R3HDML: variants seen among roughly 807,000 people sequenced by gnomAD.
The protein encoded by R3HDML is R3H domain containing like, also known as peptidase inhibitor R3HDML.
In R3HDML, 21 loss-of-function variants were observed where a neutral mutation model predicts 24.2. The observed-to-expected ratio is 0.87, with a 90% CI of 0.62 to 1.25. The LOEUF (loss-of-function observed/expected upper bound fraction) is 1.25. R3HDML is among the 50% of genes most tolerant of loss of function. The pLI, the probability that R3HDML is intolerant of heterozygous loss-of-function variation, is 0.00. For missense variants in R3HDML, 301 were observed against 340.3 expected (o/e 0.88, Z 0.91); for synonymous variants, 133 against 131.5 (o/e 1.01, Z -0.08).
Position 44,337,348 on chromosome 20 carries a change from A to G in R3HDML, c.191A>G (p.Asn64Ser), listed in dbSNP as rs376540819. The G allele has an allele frequency of 1.9e-5, 31 of 1,614,104 alleles. No individual in the cohort carries two copies. In the African/African-American group the frequency reaches 2.5e-4, roughly 13 times the overall value. ...CGCCACATCTCTGTGAGAGACATGAATGCCTTACTGGATTATCACAACCAC... is the reference window on the plus strand; with the variant it reads ...CGCCACATCTCTGTGAGAGACATGAGTGCCTTACTGGATTATCACAACCAC... The part of the protein sequence containing the change: ...RKRHISVRDM[N>S]ALLDYHNHIR... Residue 64 changes from asparagine to serine, a missense_variant, in exon 1 of 5, where the codon AAT becomes AGT. Asn to Ser is a conservative substitution (Grantham distance 46, BLOSUM62 1). Transcript: ENST00000217043. This position sits in a 1 kb window ranked among gnomAD's most constrained non-coding sequence, Gnocchi z 4.7.
At chr20:44,338,314 A>G (rs1363135392) in intron 1 of R3HDML, among the ~76,000 whole-genome samples, 1 of 152,216 alleles carries the variant, frequency 6.6e-6, no homozygotes, top group African/African-American at 2.4e-5. Context: ...GCACCGTGCT[A>G]AGCCTTGTGG....
intron 4 of R3HDML, among the ~76,000 whole-genome samples, chr20:44,347,202 A>AT (rs2062789664): frequency 6.6e-6 from 1 of 150,674 alleles, no homozygotes; most frequent in South Asian, 2.1e-4. Flanking sequence ...GATATTTAGA[A>AT]TTTCTTTTTT....
rs765931712 is a variant in R3HDML at position 44,341,185 on chromosome 20, T to C, written c.262-11T>C. The C allele has an allele frequency of 5.6e-6, 9 of 1,601,418 alleles. No homozygotes were observed. The highest frequency in any genetic ancestry group is 1.3e-5 in the African/African-American group (1 of 74,584). ...TTCCCCTGGGGAATTTCATTGCCTT[T>C]CTTTCCCCAGGTCTGGGACAAGCGG... On this transcript the variant is annotated splice_polypyrimidine_tract_variant and intron_variant, in intron 1 of 4. Coordinates refer to ENST00000217043, the MANE Select transcript of R3HDML (RefSeq NM_178491.4).
At chr20:44,339,841 C>T (rs367929091) in intron 1 of R3HDML, among the ~76,000 whole-genome samples, 1 of 152,042 alleles carries the variant, frequency 6.6e-6, no homozygotes. Context: ...TGCAGTGGCA[C>T]GATCTCGGCT....
In R3HDML at chr20:44,337,485, T is replaced by G; in HGVS notation, c.261+67T>G. ...TCCGGCAAACGCAGCCGGACTCATC[T>G]TGGCCTAGAATGACTGGCTTTGAAG... On this transcript the variant is annotated intron_variant, in intron 1 of 4. Coordinates refer to ENST00000217043, the MANE Select transcript of R3HDML (RefSeq NM_178491.4). The surrounding 1 kb of genome is among the most constrained non-coding windows in gnomAD (Gnocchi z 4.7). 1.3e-6 allele frequency: 2 copies of G among 1,538,918 alleles called. No homozygotes were observed. The highest frequency in any genetic ancestry group is 3.5e-5 in the Admixed American group (2 of 57,718).
At chr20:44,349,146 T>A (rs867881977) in intron 4 of R3HDML, among the ~76,000 whole-genome samples, 1 of 145,870 alleles carries the variant, frequency 6.9e-6, no homozygotes, top group African/African-American at 2.5e-5. Flanking sequence ...TAAAATAAAA[T>A]AAATAAAATA....
intron 1 of R3HDML, among the ~76,000 whole-genome samples, chr20:44,338,979 A>G (rs1005450907): frequency 6.6e-6 from 1 of 151,366 alleles, no homozygotes; most frequent in Non-Finnish European, 1.5e-5. Flanking sequence ...AGGTGGAGGC[A>G]GGAGAATCGC....
intron 1 of R3HDML, among the ~76,000 whole-genome samples, chr20:44,340,928 T>C (rs1406376261): frequency 2.6e-5 from 4 of 152,228 alleles, no homozygotes; most frequent in Non-Finnish European, 5.9e-5. Flanking sequence ...TGAGAACTCC[T>C]GTACGAACAC....
intron 1 of R3HDML, among the ~76,000 whole-genome samples, chr20:44,338,546 G>C (rs1224458932): frequency 6.6e-6 from 1 of 152,164 alleles, no homozygotes; most frequent in Non-Finnish European, 1.5e-5. Context: ...CACCTAGAAT[G>C]CCCTCCATTT....
At chr20:44,342,142 A>C (rs1003653409) in intron 2 of R3HDML, among the ~76,000 whole-genome samples, 1 of 152,220 alleles carries the variant, frequency 6.6e-6, no homozygotes, top group African/African-American at 2.4e-5. Context: ...TCACAGGCCT[A>C]TAAAATTGCA....
At chr20:44,350,308 G>GT (rs1461398648) in intron 4 of R3HDML, among the ~76,000 whole-genome samples, 1 of 151,948 alleles carries the variant, frequency 6.6e-6, no homozygotes, top group African/African-American at 2.4e-5. Context: ...GAGTCCAGAA[G>GT]TTTGAGACCA....
At chr20:44,346,630 G>A (rs1264621744) in intron 4 of R3HDML, among the ~76,000 whole-genome samples, 1 of 152,232 alleles carries the variant, frequency 6.6e-6, no homozygotes, top group Admixed American at 6.5e-5. Flanking sequence ...CTTCTTAGAA[G>A]TACAGTGCCA....
intron 2 of R3HDML, 102 bp downstream of exon 2, chr20:44,341,416 G>A (rs568032940): frequency 3.7e-5 from 34 of 914,298 alleles, no homozygotes; most frequent in Admixed American, 2.2e-4. Flanking sequence ...ATACAGTGGC[G>A]AGCAAGGCAG....
rs527893112 is a variant in R3HDML, at chr20:44,350,952, T to C, written c.*160T>C. The C allele has an allele frequency of 5.3e-6, 4 of 750,538 alleles. No individual in the cohort carries two copies. The South Asian group carries it at 8.3e-5, about 16-fold the overall frequency. The allele number at this position is 750,538 out of a possible 1,614,324, so 46.5% of individuals were successfully genotyped here. On this transcript the variant is annotated 3_prime_UTR_variant, in exon 5 of 5. Coordinates refer to ENST00000217043, the MANE Select transcript of R3HDML (RefSeq NM_178491.4). ...AGATCCCCTTCTTAAATGTCCAACA[T>C]GGGTCAAAAGAAAATGACCTCCTTG...
chr20:44,338,641 T>G (rs148231216), intron 1 of R3HDML, among the ~76,000 whole-genome samples: 26 of 152,310 alleles, frequency 1.7e-4, no homozygotes, highest in African/African-American at 6.3e-4. Context: ...GCAGGCGGCA[T>G]GGAGCAGAGA....
In R3HDML at chr20:44,345,145, T is replaced by G. The variant is rs1298568254; in HGVS notation, c.514-118T>G. 5.1e-6 allele frequency: 4 copies of G among 789,862 alleles called. 1 individual carries two copies. In the South Asian group the frequency reaches 5.7e-5, roughly 11 times the overall value. 48.9% of individuals were successfully genotyped at this position (789,862 alleles called of 1,614,324 possible). A position where few individuals can be genotyped will look rare whatever the true frequency, so the allele number is the denominator to read the frequency against. ...GCCTCCGTTTCCTCCCCCAACACCT[T>G]GGAACAGGCAGACTGTCTCTCCCAG... is the stretch of plus-strand genomic sequence containing the variant. On this transcript the variant is annotated intron_variant, in intron 3 of 4. Coordinates refer to ENST00000217043, the MANE Select transcript of R3HDML (RefSeq NM_178491.4).
rs1381992240 is a variant in R3HDML at position 44,337,114 on chromosome 20, G to A, written c.-44G>A. ...TCGTGCCTGCCCCTTCCAGGCAGCC[G>A]GCTCTGATTGCACAAGGCAGACCTG... On this transcript the variant is annotated 5_prime_UTR_variant, in exon 1 of 5. Coordinates refer to ENST00000217043, the MANE Select transcript of R3HDML (RefSeq NM_178491.4). The surrounding 1 kb of genome is among the most constrained non-coding windows in gnomAD (Gnocchi z 4.7). The A allele has an allele frequency of 5.1e-6, 8 of 1,576,814 alleles. No homozygotes were observed. Among genetic ancestry groups the A allele is most frequent in the Admixed American group, 1.7e-5 (1 of 57,802 alleles).
At chr20:44,345,046 A>G (rs1215024358) in intron 3 of R3HDML, 2 of 570,910 alleles carry the variant, frequency 3.5e-6, no homozygotes, top group African/African-American at 3.8e-5. Flanking sequence ...CACCTGTAAC[A>G]ATATAAAAAT....
chr20:44,343,382 G>T lies in R3HDML; in HGVS notation c.386G>T (p.Arg129Leu). The T allele has an allele frequency of 6.2e-7, 1 of 1,609,644 alleles. No homozygotes were observed. The highest frequency in any genetic ancestry group is 8.5e-7 in the Non-Finnish European group (1 of 1,178,138). ...CGTGTCCCCCGCCTCCCCAGGTACC[G>T]GTCCGTAGTGGATCTCATGAAGTCC... ...QNLSIHSGQY[R>L]SVVDLMKSWS... The change falls in exon 3 of 5, where the codon CGG (arginine) becomes CTG (leucine). Residue 129 changes from arginine (R) to leucine (L), a missense_variant. Transcript: ENST00000217043.
Sources: allele counts gnomAD v4.1 joint callset (sites outside exome capture counted in the v4.1 genomes callset), GRCh38; gene constraint gnomAD v4.1.1; non-coding constraint Gnocchi (gnomAD v3.1); transcripts MANE v1.5; gene names NCBI Gene and HGNC (gene_info 2026-07-23, HGNC 2026-07-21).